SNX29: variants seen among roughly 807,000 people sequenced by gnomAD.
SNX29 encodes sorting nexin-29.
A neutral mutation model predicts 102.1 loss-of-function variants in SNX29; 78 were observed. That is an observed-to-expected ratio of 0.76 (90% CI 0.64 to 0.92). The LOEUF is 0.92. Among genes scored for constraint, SNX29 ranks in the 40% least tolerant of loss-of-function variants. SNX29 has a pLI of 0.00. For missense variants in SNX29, 1,280 were observed against 1,061.7 expected, an observed-to-expected ratio of 1.21 and a Z score of -2.86; for synonymous variants, 580 against 414.5, an observed-to-expected ratio of 1.40 and a Z score of -4.85.
intron 14 of SNX29, among the ~76,000 whole-genome samples, chr16:12,227,150 T>TG (rs34481204): frequency 1 from 151,970 of 152,306 alleles, 75,817 homozygotes; most frequent in Middle Eastern, 1. Context: ...TCTGGCGGAT[T>TG]GGGTGCTGCT....
At chr16:12,294,003 A>G (rs1566974) in intron 15 of SNX29, among the ~76,000 whole-genome samples, 1 of 152,162 alleles carries the variant, frequency 6.6e-6, no homozygotes, top group South Asian at 2.1e-4. Flanking sequence ...GGTCAGGGTC[A>G]TGTAGGTGCT....
At position 12,136,668 on chromosome 16, in the gene SNX29, C is replaced by T. The variant is rs186216910; in HGVS notation, c.1595+6910C>T. Among the ~76,000 whole-genome samples, 93 of 152,334 alleles carry T rather than the reference C, an allele frequency of 6.1e-4. No individual in the cohort carries two copies. The Middle Eastern group carries it at 0.017, about 28-fold the overall frequency. ...GATGGCCTCTGGTAGCACTGAGACT[C>T]GCACAGGATCCAAAGGGAAGAGACT... is the stretch of plus-strand genomic sequence containing the variant. On this transcript the variant is annotated intron_variant, in intron 13 of 20. Coordinates refer to ENST00000566228, the MANE Select transcript of SNX29 (RefSeq NM_032167.5).
At chr16:12,380,455 T>TCCACCCACCCACCCA in intron 16 of SNX29, among the ~76,000 whole-genome samples, 1 of 50,564 alleles carries the variant, frequency 2.0e-5, no homozygotes, top group Admixed American at 2.0e-4. Context: ...CCACCCACCA[T>TCCACCCACCCACCCA]CCATCCACCC....
chr16:12,540,195 C>T (rs1012926885), intron 20 of SNX29, among the ~76,000 whole-genome samples: 1 of 152,084 alleles, frequency 6.6e-6, no homozygotes, highest in Non-Finnish European at 1.5e-5. Flanking sequence ...TGTGTCAGGT[C>T]CAAGGATTGG....
At chr16:12,207,126 C>T (rs1350987185) in intron 14 of SNX29, among the ~76,000 whole-genome samples, 2 of 151,992 alleles carry the variant, frequency 1.3e-5, no homozygotes, top group Non-Finnish European at 1.5e-5. Flanking sequence ...CCCAGCATTT[C>T]GGGAGGCCAA....
At chr16:12,368,745 A>T (rs1567487998) in intron 16 of SNX29, among the ~76,000 whole-genome samples, 1 of 152,162 alleles carries the variant, frequency 6.6e-6, no homozygotes, top group Non-Finnish European at 1.5e-5. Context: ...TCTCCAGCAT[A>T]TGTTTGTGAA....
intron 11 of SNX29, among the ~76,000 whole-genome samples, chr16:12,086,533 C>A (rs2052200826): frequency 6.6e-6 from 1 of 152,054 alleles, no homozygotes; most frequent in South Asian, 2.1e-4. Context: ...GCCTCAGCTT[C>A]CCAAGTAGCT....
chr16:12,427,169 C>CT (rs2085114744), intron 18 of SNX29, among the ~76,000 whole-genome samples: 1 of 152,044 alleles, frequency 6.6e-6, no homozygotes, highest in South Asian at 2.1e-4. Flanking sequence ...CAGAGCCTAG[C>CT]TGGGAAATGA....
At chr16:12,425,382 C>G (rs779948895) in intron 18 of SNX29, among the ~76,000 whole-genome samples, 2 of 151,908 alleles carry the variant, frequency 1.3e-5, no homozygotes, top group Non-Finnish European at 2.9e-5. Context: ...CCTGAGGCCT[C>G]TGGTCTCTGG....
intron 1 of SNX29, among the ~76,000 whole-genome samples, chr16:11,994,338 T>C (rs2055974665): frequency 1.3e-5 from 2 of 152,210 alleles, no homozygotes; most frequent in Non-Finnish European, 1.5e-5. Flanking sequence ...AGCCTGTTCT[T>C]GTTCACCTGG....
chr16:12,557,863 C>G (rs1013357579), intron 20 of SNX29, among the ~76,000 whole-genome samples: 1 of 152,288 alleles, frequency 6.6e-6, no homozygotes, highest in South Asian at 2.1e-4. Flanking sequence ...CATAGCCATT[C>G]CAGCGAGTGG....
intron 18 of SNX29, among the ~76,000 whole-genome samples, chr16:12,455,339 C>A (rs1345652536): frequency 6.6e-6 from 1 of 151,584 alleles, no homozygotes; most frequent in African/African-American, 2.4e-5. Flanking sequence ...CCATCAAGGA[C>A]TTTTTTTTTG....
intron 15 of SNX29, among the ~76,000 whole-genome samples, chr16:12,345,689 G>A (rs1173907169): frequency 6.6e-6 from 1 of 152,222 alleles, no homozygotes; most frequent in African/African-American, 2.4e-5. Flanking sequence ...TGAGATTTGA[G>A]TGACGTTGTG....
intron 11 of SNX29, among the ~76,000 whole-genome samples, chr16:12,101,535 C>T (rs1303214226): frequency 1.3e-5 from 2 of 151,878 alleles, no homozygotes; most frequent in Non-Finnish European, 2.9e-5. Flanking sequence ...AGGCATGCAC[C>T]ACCATGCCTG....
At chr16:12,504,495 T>G (rs2089281315) in intron 19 of SNX29, among the ~76,000 whole-genome samples, 1 of 152,232 alleles carries the variant, frequency 6.6e-6, no homozygotes. Flanking sequence ...CATGGAATCA[T>G]GCACTGTGAA....
intron 14 of SNX29, among the ~76,000 whole-genome samples, chr16:12,220,866 T>G (rs540066497): frequency 6.6e-6 from 1 of 152,282 alleles, no homozygotes; most frequent in South Asian, 2.1e-4. Flanking sequence ...GTGTTAAAAT[T>G]ACGCAAATGA....
chr16:12,519,119 ATTAT>A (rs1372333923), intron 19 of SNX29, among the ~76,000 whole-genome samples: 6 of 152,156 alleles, frequency 3.9e-5, no homozygotes, highest in African/African-American at 1.4e-4. Context: ...AGGGCTGCTC[ATTAT>A]TTAAAGGGAA....
chr16:12,419,825 TC>T (rs1304963354), intron 18 of SNX29, among the ~76,000 whole-genome samples: 1 of 152,140 alleles, frequency 6.6e-6, no homozygotes, highest in Non-Finnish European at 1.5e-5. Context: ...TGGGTCGGTG[TC>T]GTGTACCTAC....
intron 18 of SNX29, among the ~76,000 whole-genome samples, chr16:12,447,235 TACAAAC>T (rs2086103579): frequency 1.0e-5 from 1 of 97,946 alleles, no homozygotes; most frequent in African/African-American, 3.9e-5. Flanking sequence ...ATTTCTTAAA[TACAAAC>T]TTTGATTCTG....
Sources: gnomAD v4.1 joint callset for allele counts (sites outside exome capture counted in the v4.1 genomes callset) on GRCh38, gnomAD v4.1.1 for gene constraint, MANE v1.5 for transcripts, NCBI Gene and HGNC (gene_info 2026-07-23, HGNC 2026-07-21) for gene names.